SLCO2A1: variants seen among roughly 807,000 people sequenced by gnomAD.
SLCO2A1 encodes matrin F/G 1.
Under a neutral mutation model 71.7 loss-of-function variants are expected in SLCO2A1, and 60 were observed. The ratio of observed to expected loss-of-function variants is 0.84; its 90% CI spans 0.68 to 1.04. The LOEUF (loss-of-function observed/expected upper bound fraction) is 1.04. SLCO2A1 is among the 50% of genes least tolerant of loss of function. SLCO2A1 has a pLI of 0.00. For missense variants in SLCO2A1, 745 were observed against 813.4 expected (o/e 0.92, Z 1.02); for synonymous variants, 308 against 326.7 (o/e 0.94, Z 0.62).
At chr3:134,010,303 C>T (rs1935306228) in intron 1 of SLCO2A1, among the ~76,000 whole-genome samples, 1 of 152,132 alleles carries the variant, frequency 6.6e-6, no homozygotes. Context: ...TTAATTGACT[C>T]AAAGTTCCAC....
chr3:134,008,285 A>C (rs990246449), intron 1 of SLCO2A1, among the ~76,000 whole-genome samples: 1 of 152,134 alleles, frequency 6.6e-6, no homozygotes, highest in Admixed American at 6.5e-5. Context: ...TGCTCTGTCC[A>C]CTGTCTATCT....
intron 10 of SLCO2A1, among the ~76,000 whole-genome samples, chr3:133,943,005 C>A (rs570834270): frequency 1.3e-5 from 2 of 152,198 alleles, no homozygotes; most frequent in African/African-American, 4.8e-5. Context: ...CTGGGCTGGG[C>A]TCCTCCAGAA....
chr3:133,955,607 C>T (rs754663178), intron 3 of SLCO2A1, among the ~76,000 whole-genome samples: 4 of 152,154 alleles, frequency 2.6e-5, no homozygotes, highest in Non-Finnish European at 5.9e-5. Context: ...CCGTCGGCCT[C>T]CAGCACCCTG....
intron 1 of SLCO2A1, among the ~76,000 whole-genome samples, chr3:134,005,308 G>C (rs1202361587): frequency 2.6e-5 from 4 of 151,910 alleles, no homozygotes; most frequent in African/African-American, 9.7e-5. Context: ...TCTTTCTTTA[G>C]CTGGCATTCT....
chr3:133,960,043 C>T lies in SLCO2A1; in HGVS notation c.398-4850G>A, dbSNP rs1933999998. Among the ~76,000 whole-genome samples the T allele has an allele frequency of 2.0e-5, 3 of 152,122 alleles. No homozygotes were observed. The South Asian group carries it at 6.2e-4, about 31-fold the overall frequency. Reference sequence around the variant, plus strand: ...GCTGAGGCAGGAGAATGGCGTGAACCCAGGAAGCGGAGCTTGCAGTGAGCC... The same window carrying T: ...GCTGAGGCAGGAGAATGGCGTGAACTCAGGAAGCGGAGCTTGCAGTGAGCC... On this transcript the variant is annotated intron_variant, in intron 3 of 13. Coordinates refer to ENST00000310926, the MANE Select transcript of SLCO2A1 (RefSeq NM_005630.3).
At chr3:134,025,179 CA>C (rs1490961746) in intron 1 of SLCO2A1, among the ~76,000 whole-genome samples, 2 of 152,200 alleles carry the variant, frequency 1.3e-5, no homozygotes, top group Non-Finnish European at 2.9e-5. Flanking sequence ...TGACCTTCCT[CA>C]GACTGAGGAC....
chr3:133,953,317 T>C (rs1220632501), intron 5 of SLCO2A1, among the ~76,000 whole-genome samples: 1 of 152,196 alleles, frequency 6.6e-6, no homozygotes, highest in Non-Finnish European at 1.5e-5. Context: ...GATTACAGGC[T>C]TGAGCCACCG....
chr3:133,973,884 G>T, intron 2 of SLCO2A1, 59 bp from the exon 3 acceptor site: 1 of 1,516,722 alleles, frequency 6.6e-7, no homozygotes, highest in Non-Finnish European at 9.0e-7. Context: ...CCCACCCACA[G>T]AGAAGACCCG....
chr3:133,961,724 T>A (rs1365854244), intron 3 of SLCO2A1, among the ~76,000 whole-genome samples: 3 of 152,164 alleles, frequency 2.0e-5, no homozygotes, highest in African/African-American at 7.2e-5. Flanking sequence ...CCCAATTACA[T>A]CCAAGTCTAC....
intron 1 of SLCO2A1, among the ~76,000 whole-genome samples, chr3:133,998,097 C>T (rs1935016763): frequency 6.6e-6 from 1 of 152,154 alleles, no homozygotes; most frequent in African/African-American, 2.4e-5. Context: ...AGGTGCACAG[C>T]TGCAGCAGGA....
rs1933813984 is a variant in SLCO2A1 at position 133,953,827 on chromosome 3, C to A, written c.626-66G>T. On this transcript the variant is annotated intron_variant, in intron 4 of 13. Coordinates refer to ENST00000310926, the MANE Select transcript of SLCO2A1 (RefSeq NM_005630.3). ...AGAGAGTTTGGCAGCCTTGGGCTCC[C>A]AAGCTGAGGGGGAGTCTTGAGATAT... 4 of 1,248,220 alleles carry A rather than the reference C, an allele frequency of 3.2e-6. No homozygotes were observed. In the Admixed American group the frequency reaches 5.3e-5, roughly 16 times the overall value. 77.3% of individuals were successfully genotyped at this position (1,248,220 alleles called of 1,614,324 possible). A position where few individuals can be genotyped will look rare whatever the true frequency, so the allele number is the denominator to read the frequency against.
At chr3:133,944,929 A>T (rs1443050218) in intron 10 of SLCO2A1, among the ~76,000 whole-genome samples, 166 bp downstream of exon 10, 1 of 151,998 alleles carries the variant, frequency 6.6e-6, no homozygotes. Context: ...CAGGGTAGGG[A>T]GGTAGAGAGA....
chr3:134,020,642 G>A (rs1173270927), intron 1 of SLCO2A1, among the ~76,000 whole-genome samples: 2 of 151,208 alleles, frequency 1.3e-5, no homozygotes, highest in African/African-American at 2.4e-5. Context: ...GAGTGGAAGC[G>A]TGGCCTGATC....
intron 1 of SLCO2A1, among the ~76,000 whole-genome samples, chr3:134,012,857 CCA>C (rs145027614): frequency 0.014 from 2,169 of 152,286 alleles, 51 homozygotes; most frequent in African/African-American, 0.047. Flanking sequence ...TTCCCCTGCA[CCA>C]CAGTCAGAAG....
At chr3:134,029,662 G>T (rs909372321) in intron 1 of SLCO2A1, 45 bp downstream of exon 1, 23 of 1,486,466 alleles carry the variant, frequency 1.5e-5, no homozygotes, top group Non-Finnish European at 2.1e-5. Context: ...CCGAAGGTGC[G>T]CCAGGCGCGG....
intron 2 of SLCO2A1, among the ~76,000 whole-genome samples, chr3:133,979,031 C>T (rs1934522789): frequency 6.6e-6 from 1 of 152,190 alleles, no homozygotes; most frequent in African/African-American, 2.4e-5. Flanking sequence ...TGCTGACCCA[C>T]CTGCATGCCT....
intron 1 of SLCO2A1, among the ~76,000 whole-genome samples, chr3:134,010,449 A>G (rs557272612): frequency 6.6e-6 from 1 of 152,124 alleles, no homozygotes; most frequent in East Asian, 1.9e-4. Flanking sequence ...AAACTGCCAA[A>G]CACCTCAAAA....
intron 1 of SLCO2A1, among the ~76,000 whole-genome samples, chr3:134,026,832 T>C (rs550020175): frequency 6.8e-4 from 103 of 152,342 alleles, no homozygotes; most frequent in African/African-American, 2.4e-3. Flanking sequence ...CAAGGGCAAG[T>C]AGTTGAAGAC....
intron 1 of SLCO2A1, among the ~76,000 whole-genome samples, chr3:134,012,027 C>A (rs1483814687): frequency 6.6e-6 from 1 of 152,168 alleles, no homozygotes; most frequent in Non-Finnish European, 1.5e-5. Flanking sequence ...GCTGCTGCCA[C>A]AAAGCCTGAG....
Sources: gnomAD v4.1 joint callset for allele counts (sites outside exome capture counted in the v4.1 genomes callset) on GRCh38, gnomAD v4.1.1 for gene constraint, MANE v1.5 for transcripts, NCBI Gene and HGNC (gene_info 2026-07-23, HGNC 2026-07-21) for gene names.